MTMR9: variants seen among roughly 807,000 people sequenced by gnomAD.
MTMR9 encodes myotubularin related protein 9.
MTMR9 carries 39 observed loss-of-function variants against 69.5 expected under a neutral mutation model. The ratio of observed to expected loss-of-function variants is 0.56; its 90% confidence interval spans 0.43 to 0.73. The LOEUF is 0.73. MTMR9 is among the 30% of genes least tolerant of loss of function. MTMR9 has a pLI of 0.00. For synonymous variants in MTMR9, 354 were observed against 240.8 expected, an observed-to-expected ratio of 1.47 and a Z score of -4.35; for missense variants, 900 against 671.2, an observed-to-expected ratio of 1.34 and a Z score of -3.77.
At chr8:11,291,526 G>A (rs969370467) in intron 1 of MTMR9, among the ~76,000 whole-genome samples, 2 of 152,044 alleles carry the variant, frequency 1.3e-5, no homozygotes, top group African/African-American at 2.4e-5. Context: ...GAGCTCTTAT[G>A]TTTTTAAAAC....
intron 2 of MTMR9, chr8:11,298,963 A>C (rs1391528287): frequency 1.4e-6 from 1 of 720,890 alleles, no homozygotes; most frequent in Middle Eastern, 7.0e-4. Flanking sequence ...ATACATGACC[A>C]AATGGCATAT....
chr8:11,331,622 T>A, downstream of MTMR9: 12 of 1,613,020 alleles, frequency 7.4e-6, no homozygotes, highest in Non-Finnish European at 1.0e-5. Context: ...TAATCATCAT[T>A]CTGGGACCTG....
At chr8:11,335,625 GGACT>G in the MTMR9 span, among the ~76,000 whole-genome samples, 4 of 152,184 alleles carry the variant, frequency 2.6e-5, no homozygotes, top group African/African-American at 9.6e-5. Context: ...ACAAAGTTGA[GGACT>G]GACAATACTC....
the MTMR9 span, among the ~76,000 whole-genome samples, chr8:11,338,010 A>C: frequency 3.3e-5 from 5 of 152,242 alleles, no homozygotes; most frequent in African/African-American, 1.2e-4. Flanking sequence ...GGACTTGGCT[A>C]ATATGTCCAA....
intron 2 of MTMR9, chr8:11,297,947 G>T (rs761821920): frequency 4.4e-6 from 2 of 456,148 alleles, no homozygotes; most frequent in South Asian, 1.5e-5. Context: ...ATCTGGACAC[G>T]ATTTGTGAGT....
At chr8:11,339,455 G>A in the MTMR9 span, among the ~76,000 whole-genome samples, 1 of 152,208 alleles carries the variant, frequency 6.6e-6, no homozygotes, top group Non-Finnish European at 1.5e-5. Flanking sequence ...ACAGGGATGA[G>A]CAAACCCAGA....
downstream of MTMR9, chr8:11,328,215 A>G (rs1301618085): frequency 1.3e-5 from 2 of 152,092 alleles, no homozygotes; most frequent in African/African-American, 2.4e-5. Context: ...AATTAAATCT[A>G]TATATTTTTT....
intron 6 of MTMR9, among the ~76,000 whole-genome samples, chr8:11,313,399 C>T (rs760638761): frequency 3.3e-5 from 5 of 152,190 alleles, no homozygotes; most frequent in Non-Finnish European, 5.9e-5. Context: ...TTTATGTGTT[C>T]GCTGGAGAAG....
chr8:11,299,381 C>T (rs1232783204), intron 2 of MTMR9, among the ~76,000 whole-genome samples: 3 of 152,136 alleles, frequency 2.0e-5, no homozygotes, highest in South Asian at 2.1e-4. Context: ...CTGTTCTAAG[C>T]CTTTTACACA....
chr8:11,332,370 TC>T (rs1252751368), downstream of MTMR9, among the ~76,000 whole-genome samples: 2 of 152,088 alleles, frequency 1.3e-5, no homozygotes, highest in African/African-American at 4.8e-5. Flanking sequence ...CCTTAAGGAA[TC>T]CCAGACTTTG....
chr8:11,332,140 C>T, downstream of MTMR9: 1 of 1,610,552 alleles, frequency 6.2e-7, no homozygotes, highest in Non-Finnish European at 8.5e-7. Flanking sequence ...ACTTGGGAGC[C>T]CGGGGGTTGG....
chr8:11,329,628 C>G (rs1036541819), downstream of MTMR9, among the ~76,000 whole-genome samples: 8 of 152,360 alleles, frequency 5.3e-5, no homozygotes, highest in East Asian at 1.9e-4. Flanking sequence ...CAATGTTGCC[C>G]AGGCTGGAGT....
intron 1 of MTMR9, among the ~76,000 whole-genome samples, chr8:11,287,673 T>A (rs1799210375): frequency 7.0e-6 from 1 of 141,920 alleles, no homozygotes; most frequent in Non-Finnish European, 1.5e-5. Context: ...ATTTATTAGA[T>A]ATATTTATAT....
chr8:11,301,232 C>T (rs529791508), intron 3 of MTMR9, among the ~76,000 whole-genome samples: 2 of 152,194 alleles, frequency 1.3e-5, no homozygotes, highest in Non-Finnish European at 2.9e-5. Context: ...AAAGTCAAAA[C>T]AGCTTTGAGA....
downstream of MTMR9, among the ~76,000 whole-genome samples, chr8:11,328,905 A>G (rs143883613): frequency 4.6e-3 from 697 of 152,368 alleles, 6 homozygotes; most frequent in South Asian, 0.022. Flanking sequence ...TAGGAGTTTT[A>G]TAGTTTAAAA....
intron 1 of MTMR9, among the ~76,000 whole-genome samples, chr8:11,291,458 AC>A (rs1398832956): frequency 6.6e-6 from 1 of 152,258 alleles, no homozygotes; most frequent in African/African-American, 2.4e-5. Context: ...GACAATAAGG[AC>A]AAAATGATAA....
At chr8:11,318,271 T>G (rs994403518) in intron 8 of MTMR9, 1 of 152,204 alleles carries the variant, frequency 6.6e-6, no homozygotes, top group African/African-American at 2.4e-5. Context: ...CAGAGCAAGT[T>G]CAGTGGTTGG....
intron 7 of MTMR9, chr8:11,316,218 C>T (rs1191838863): frequency 6.6e-6 from 1 of 152,442 alleles, no homozygotes; most frequent in Non-Finnish European, 1.5e-5. Flanking sequence ...TAAAGGTGAT[C>T]AGAGTTCCAT....
At chr8:11,311,981 A>G (rs1800219224) in intron 6 of MTMR9, among the ~76,000 whole-genome samples, 1 of 151,866 alleles carries the variant, frequency 6.6e-6, no homozygotes, top group African/African-American at 2.4e-5. Context: ...CATAAGAAGC[A>G]ACTCCTTATT....
Sources: gnomAD v4.1 joint callset for allele counts (sites outside exome capture counted in the v4.1 genomes callset) on GRCh38, gnomAD v4.1.1 for gene constraint, MANE v1.5 for transcripts, NCBI Gene and HGNC (gene_info 2026-07-23, HGNC 2026-07-21) for gene names.